Variants in PPIL3 observed in about 807,000 individuals in gnomAD.
PPIL3 encodes the protein peptidylprolyl isomerase like 3, also known as peptidyl-prolyl cis-trans isomerase-like 3.
In PPIL3, 13 loss-of-function variants were observed where a neutral mutation model predicts 20.9. The observed-to-expected ratio is 0.62, with a 90% CI of 0.40 to 0.99. PPIL3 has a LOEUF of 0.99. Ranked by LOEUF, PPIL3 falls within the 50% of genes least tolerant of loss-of-function variation. The probability of loss-of-function intolerance (pLI) is 0.00; values close to 1 mark genes in which losing one functional copy is unlikely to be tolerated. For synonymous variants in PPIL3, 71 were observed against 64.4 expected, an observed-to-expected ratio of 1.10 and a Z score of -0.49; for missense variants, 170 against 195.2, an observed-to-expected ratio of 0.87 and a Z score of 0.77.
At chr2:200,876,494 CTTCTT>C (rs886731861) in intron 6 of PPIL3, among the ~76,000 whole-genome samples, 47 of 150,912 alleles carry the variant, frequency 3.1e-4, no homozygotes, top group African/African-American at 1.1e-3. Flanking sequence ...TCACACCACT[CTTCTT>C]TTCTTTCTTT....
At chr2:200,875,488 G>C (rs1012636080) in intron 6 of PPIL3, among the ~76,000 whole-genome samples, 3 of 151,962 alleles carry the variant, frequency 2.0e-5, no homozygotes, top group African/African-American at 2.4e-5. Context: ...GGATGGTCTT[G>C]ATCTCCTGAC....
chr2:200,887,741 G>T (rs1283357146), intron 1 of PPIL3, 56 bp from the exon 2 acceptor site: 6 of 728,148 alleles, frequency 8.2e-6, no homozygotes, highest in Non-Finnish European at 1.1e-5. Flanking sequence ...ACTCACACAC[G>T]CTCATCTTTA....
At position 200,885,728 on chromosome 2, in the gene PPIL3, G is replaced by C. The variant is rs978583437; in HGVS notation, c.48C>G (p.Val16=). The C allele has an allele frequency of 6.3e-7, 1 of 1,592,416 alleles. No homozygotes were observed. The highest frequency in any genetic ancestry group is 8.6e-7 in the Non-Finnish European group (1 of 1,162,536). The change falls in exon 3 of 7, where the codon GTC becomes GTG. Residue 16 remains valine (V), a synonymous_variant. Transcript: ENST00000392283. ...HTDVGDIKIE[V]FCERTPKTCE... ...ATGTTTTGGGTGTCCTCTCACAGAA[G>C]ACTTCAATTTTAATATCACCTACAT... is the stretch of plus-strand genomic sequence containing the variant.
intron 6 of PPIL3, among the ~76,000 whole-genome samples, chr2:200,874,626 C>A (rs1305618981): frequency 6.6e-6 from 1 of 152,008 alleles, no homozygotes; most frequent in African/African-American, 2.4e-5. Context: ...CTGGTAATAA[C>A]TGAACAATAA....
intron 6 of PPIL3, among the ~76,000 whole-genome samples, chr2:200,874,743 TTAA>T (rs1408825099): frequency 6.6e-6 from 1 of 152,198 alleles, no homozygotes; most frequent in Non-Finnish European, 1.5e-5. Flanking sequence ...TTGATTATTA[TTAA>T]TGTGTAAATT....
At chr2:200,876,882 T>C in intron 6 of PPIL3, 37 bp downstream of exon 6, 2 of 1,455,878 alleles carry the variant, frequency 1.4e-6, no homozygotes, top group South Asian at 2.3e-5. Flanking sequence ...CCACTTGCAT[T>C]GAAATGCTAA....
At chr2:200,886,533 C>G (rs1575118348) in intron 2 of PPIL3, among the ~76,000 whole-genome samples, 1 of 151,754 alleles carries the variant, frequency 6.6e-6, no homozygotes, top group African/African-American at 2.4e-5. Context: ...TCAAGCAATT[C>G]TCCTGCCTCA....
At chr2:200,879,125 C>CA (rs2039621372) in intron 5 of PPIL3, among the ~76,000 whole-genome samples, 1 of 144,964 alleles carries the variant, frequency 6.9e-6, no homozygotes, top group Non-Finnish European at 1.5e-5. Flanking sequence ...TATAATGGTT[C>CA]TTTTTTTTTT....
intron 6 of PPIL3, among the ~76,000 whole-genome samples, chr2:200,871,786 T>C (rs1315025110): frequency 6.6e-6 from 1 of 152,190 alleles, no homozygotes. Context: ...ACCCCATTCA[T>C]ACAGTGACAG....
chr2:200,877,081 C>T (rs769800165), intron 5 of PPIL3, 44 bp from the exon 6 acceptor site: 16 of 1,254,248 alleles, frequency 1.3e-5, no homozygotes, highest in Non-Finnish European at 1.9e-5. Flanking sequence ...TTTATATAAC[C>T]ATCCCAAATA....
intron 2 of PPIL3, 25 bp downstream of exon 2, chr2:200,887,588 T>C: frequency 6.4e-7 from 1 of 1,557,022 alleles, no homozygotes; most frequent in Non-Finnish European, 8.8e-7. Flanking sequence ...TGAAAGACAT[T>C]AGATAAAAAT....
At chr2:200,881,087 CA>C (rs1277990171) in intron 5 of PPIL3, among the ~76,000 whole-genome samples, 1 of 152,068 alleles carries the variant, frequency 6.6e-6, no homozygotes, top group African/African-American at 2.4e-5. Context: ...TCCCCACTCT[CA>C]AAAAAGGCCA....
chr2:200,887,911 G>A (rs2040014402), intron 1 of PPIL3, among the ~76,000 whole-genome samples: 1 of 152,052 alleles, frequency 6.6e-6, no homozygotes, highest in South Asian at 2.1e-4. Flanking sequence ...ACAAAAATTA[G>A]CCGGGTGTGG....
intron 6 of PPIL3, among the ~76,000 whole-genome samples, chr2:200,875,520 C>T (rs937828558): frequency 2.0e-5 from 3 of 152,050 alleles, no homozygotes; most frequent in East Asian, 1.9e-4. Context: ...CCCTCCTTGG[C>T]CTCCCAAAGT....
chr2:200,873,460 G>A (rs2039388150), intron 6 of PPIL3, among the ~76,000 whole-genome samples: 1 of 151,932 alleles, frequency 6.6e-6, no homozygotes, highest in African/African-American at 2.4e-5. Context: ...AAAGTGCTGG[G>A]GTTATAGGCA....
chr2:200,881,712 T>C, intron 4 of PPIL3: 2 of 481,914 alleles, frequency 4.2e-6, no homozygotes, highest in Middle Eastern at 5.5e-4. Context: ...TGTTCATATA[T>C]ATTTAAGTAT....
chr2:200,876,685 T>C (rs955901122), intron 6 of PPIL3, among the ~76,000 whole-genome samples: 1 of 152,054 alleles, frequency 6.6e-6, no homozygotes, highest in South Asian at 2.1e-4. Flanking sequence ...ATCCAACTAA[T>C]TTTTTAAAAT....
chr2:200,889,102 T>C (rs1270049031), upstream of PPIL3: 4 of 467,406 alleles, frequency 8.6e-6, no homozygotes, highest in Non-Finnish European at 1.8e-5. Context: ...AGAACGCCCC[T>C]TACCGCCTCA....
intron 6 of PPIL3, among the ~76,000 whole-genome samples, chr2:200,873,330 C>G (rs1009261202): frequency 6.6e-6 from 1 of 151,766 alleles, no homozygotes; most frequent in Non-Finnish European, 1.5e-5. Flanking sequence ...GCTGGGACTA[C>G]AGGCACATGC....
Sources: allele counts gnomAD v4.1 joint callset (sites outside exome capture counted in the v4.1 genomes callset), GRCh38; gene constraint gnomAD v4.1.1; transcripts MANE v1.5; gene names NCBI Gene and HGNC (gene_info 2026-07-23, HGNC 2026-07-21).